The following PKIB variants were observed in gnomAD, a reference collection of about 807,000 sequenced individuals.
The protein encoded by PKIB is PKI-beta.
Under a neutral mutation model 4.5 loss-of-function variants are expected in PKIB, and 2 were observed. The observed-to-expected ratio is 0.44, with a 90% CI of 0.18 to 1.39. The LOEUF (loss-of-function observed/expected upper bound fraction) is 1.39, where lower values mean the gene tolerates loss of function less well. PKIB is among the 40% of genes most tolerant of loss of function. The pLI, the probability that PKIB is intolerant of heterozygous loss-of-function variation, is 0.27. For synonymous variants in PKIB, 38 were observed against 36.0 expected, an observed-to-expected ratio of 1.06 and a Z score of -0.20; for missense variants, 94 against 92.6, an observed-to-expected ratio of 1.02 and a Z score of -0.06.
At chr6:122,660,392 G>A (rs1036299576) in intron 2 of PKIB, among the ~76,000 whole-genome samples, 1 of 152,186 alleles carries the variant, frequency 6.6e-6, no homozygotes, top group African/African-American at 2.4e-5. Flanking sequence ...CTAGAGGACT[G>A]AGATGAAAGA....
intron 3 of PKIB, among the ~76,000 whole-genome samples, chr6:122,586,959 T>C (rs943603864): frequency 2.0e-5 from 3 of 152,168 alleles, no homozygotes; most frequent in Non-Finnish European, 4.4e-5. Flanking sequence ...CACTCCAGTA[T>C]ATAATGTTTG....
At chr6:122,691,704 T>C (rs537595207) in intron 3 of PKIB, among the ~76,000 whole-genome samples, 2 of 152,280 alleles carry the variant, frequency 1.3e-5, no homozygotes, top group South Asian at 4.2e-4. Context: ...GTAGCTTATT[T>C]AGTTCATTTG....
rs576899528 is a variant in PKIB at position 122,511,808 on chromosome 6, C to T, written c.-248+33869C>T. Among the ~76,000 whole-genome samples, 4 of 152,334 alleles carry T rather than the reference C, an allele frequency of 2.6e-5. No individual in the cohort carries two copies. In the South Asian group the frequency reaches 8.3e-4, roughly 32 times the overall value. ...GGTAATAGTGGTTTAAATGAATTTT[C>T]TTTGTGTTCAAACAATGTATCTTTA... On this transcript the variant is annotated intron_variant, in intron 2 of 6. Coordinates refer to the PKIB transcript ENST00000392491.
chr6:122,715,840 C>T (rs1320399220), intron 3 of PKIB, among the ~76,000 whole-genome samples: 3 of 151,982 alleles, frequency 2.0e-5, no homozygotes, highest in Non-Finnish European at 4.4e-5. Flanking sequence ...TAATCCATTT[C>T]GTGTTGCTTT....
chr6:122,590,432 A>G (rs968504116), intron 3 of PKIB, among the ~76,000 whole-genome samples: 1 of 152,144 alleles, frequency 6.6e-6, no homozygotes, highest in Non-Finnish European at 1.5e-5. Flanking sequence ...TTTGAAGACA[A>G]TAATACTGCA....
At chr6:122,666,778 G>T (rs564318053) in intron 2 of PKIB, among the ~76,000 whole-genome samples, 1 of 152,268 alleles carries the variant, frequency 6.6e-6, no homozygotes, top group African/African-American at 2.4e-5. Flanking sequence ...TTTACTTTCA[G>T]ACAAAGTCTG....
intron 2 of PKIB, among the ~76,000 whole-genome samples, chr6:122,660,056 T>G (rs1776925663): frequency 1.3e-5 from 2 of 152,226 alleles, no homozygotes; most frequent in Non-Finnish European, 2.9e-5. Context: ...ACAAATGAGT[T>G]AGAAATGTCA....
intron 2 of PKIB, chr6:122,482,471 A>T (rs1232650996): frequency 6.6e-6 from 1 of 151,800 alleles, no homozygotes; most frequent in Non-Finnish European, 1.5e-5. Flanking sequence ...TACATGTAGC[A>T]TTAGCATTTA....
At chr6:122,489,540 A>G (rs1311577584) in intron 2 of PKIB, among the ~76,000 whole-genome samples, 2 of 152,234 alleles carry the variant, frequency 1.3e-5, no homozygotes, top group East Asian at 3.9e-4. Context: ...GAGCCTGGCC[A>G]AAACAGTAAT....
At chr6:122,511,054 A>G (rs534964543) in intron 2 of PKIB, among the ~76,000 whole-genome samples, 2 of 152,272 alleles carry the variant, frequency 1.3e-5, no homozygotes, top group East Asian at 3.9e-4. Flanking sequence ...AGTACTTAGT[A>G]GACGTGGTTC....
intron 1 of PKIB, among the ~76,000 whole-genome samples, chr6:122,473,797 A>G (rs1405639666): frequency 1.3e-5 from 2 of 152,214 alleles, no homozygotes; most frequent in South Asian, 2.1e-4. Flanking sequence ...ATAACTTACA[A>G]TGCCAAAATT....
chr6:122,544,804 A>AT (rs1330158904), intron 2 of PKIB, among the ~76,000 whole-genome samples: 1 of 152,092 alleles, frequency 6.6e-6, no homozygotes, highest in African/African-American at 2.4e-5. Flanking sequence ...TAACCAAAAA[A>AT]CAACCCCATC....
chr6:122,508,522 A>G (rs1231586118), intron 2 of PKIB, among the ~76,000 whole-genome samples: 1 of 152,132 alleles, frequency 6.6e-6, no homozygotes, highest in Non-Finnish European at 1.5e-5. Context: ...TATGGGGGAA[A>G]CCAACAAGTC....
intron 3 of PKIB, among the ~76,000 whole-genome samples, chr6:122,593,558 A>C (rs1464660456): frequency 1.3e-5 from 2 of 152,320 alleles, no homozygotes; most frequent in East Asian, 3.9e-4. Flanking sequence ...AGCACAGCTC[A>C]AAATCTGTTC....
At chr6:122,589,826 G>A (rs1403996012) in intron 3 of PKIB, among the ~76,000 whole-genome samples, 4 of 152,102 alleles carry the variant, frequency 2.6e-5, no homozygotes, top group South Asian at 2.1e-4. Context: ...AGGTAGTCAC[G>A]TTTTTACCAA....
intron 3 of PKIB, among the ~76,000 whole-genome samples, chr6:122,684,102 A>G (rs531111093): frequency 6.6e-6 from 1 of 152,220 alleles, no homozygotes; most frequent in Admixed American, 6.5e-5. Context: ...CAAATGCTGC[A>G]TGAGCTCACT....
chr6:122,665,398 C>T (rs541758096), intron 2 of PKIB, among the ~76,000 whole-genome samples: 15 of 152,268 alleles, frequency 9.9e-5, no homozygotes, highest in Admixed American at 3.3e-4. Context: ...TCAAAACTAA[C>T]AATCTGCATC....
chr6:122,683,750 A>G (rs1777991009), intron 3 of PKIB, among the ~76,000 whole-genome samples: 1 of 152,210 alleles, frequency 6.6e-6, no homozygotes, highest in Non-Finnish European at 1.5e-5. Flanking sequence ...CTGACTTCTA[A>G]GCAAGACTCA....
intron 2 of PKIB, among the ~76,000 whole-genome samples, chr6:122,570,554 A>G (rs1237709873): frequency 6.6e-6 from 1 of 152,188 alleles, no homozygotes; most frequent in Non-Finnish European, 1.5e-5. Flanking sequence ...TGAGACAGTG[A>G]ACTTGCCCAC....
Sources: gnomAD v4.1 joint callset for allele counts (sites outside exome capture counted in the v4.1 genomes callset) on GRCh38, gnomAD v4.1.1 for gene constraint, MANE v1.5 for transcripts, NCBI Gene and HGNC (gene_info 2026-07-23, HGNC 2026-07-21) for gene names.